The following DHRS3 variants were observed in gnomAD, a reference collection of about 807,000 sequenced individuals.
DHRS3 encodes short-chain dehydrogenase/reductase 3.
A neutral mutation model predicts 27.2 loss-of-function variants in DHRS3; 14 were observed. The observed-to-expected ratio is 0.52, with a 90% confidence interval of 0.34 to 0.81. The LOEUF is 0.81. Ranked by LOEUF, DHRS3 falls within the 30% of genes least tolerant of loss-of-function variation. DHRS3 has a pLI of 0.01. For missense variants in DHRS3, 322 were observed against 406.2 expected, an observed-to-expected ratio of 0.79 and a Z score of 1.78; for synonymous variants, 165 against 175.9, an observed-to-expected ratio of 0.94 and a Z score of 0.49.
intron 1 of DHRS3, among the ~76,000 whole-genome samples, chr1:12,589,785 A>G (rs1293853054): frequency 1.3e-5 from 2 of 152,132 alleles, no homozygotes; most frequent in African/African-American, 4.8e-5. Context: ...GGAGTTCAAG[A>G]TCAGCCTGGG....
At chr1:12,590,922 C>A (rs1450761132) in intron 1 of DHRS3, among the ~76,000 whole-genome samples, 1 of 152,242 alleles carries the variant, frequency 6.6e-6, no homozygotes, top group Non-Finnish European at 1.5e-5. Flanking sequence ...ATCCCTTCCA[C>A]CTTTTTTTCT....
At chr1:12,587,273 G>C (rs1646704914) in intron 1 of DHRS3, among the ~76,000 whole-genome samples, 1 of 151,162 alleles carries the variant, frequency 6.6e-6, no homozygotes, top group Non-Finnish European at 1.5e-5. Context: ...CTCCCAAGTA[G>C]CTGGGACCAG....
At chr1:12,581,565 G>A (rs1646644507) in intron 1 of DHRS3, among the ~76,000 whole-genome samples, 1 of 152,224 alleles carries the variant, frequency 6.6e-6, no homozygotes, top group Non-Finnish European at 1.5e-5. Flanking sequence ...CATTACGCCA[G>A]AAGGTGACCT....
Position 12,617,511 on chromosome 1 carries a change from T to TTA in DHRS3, c.-164_-163insTA. On this transcript the variant is annotated 5_prime_UTR_variant, in exon 1 of 6. Transcript: ENST00000616661. Reference sequence around the variant, plus strand: ...CTCTTCCCAAATGCAAAGCACCGGGTGAGAAAAAGAAAAAAAAAAAAAAAA... The same window carrying TTA: ...CTCTTCCCAAATGCAAAGCACCGGGTTAGAGAAAAAGAAAAAAAAAAAAAAAA... 1 of 284,268 alleles carries TTA rather than the reference T, an allele frequency of 3.5e-6. No individual in the cohort carries two copies. The highest frequency in any genetic ancestry group is 5.7e-6 in the Non-Finnish European group (1 of 176,328). The allele number at this position is 284,268 out of a possible 1,614,324, so 17.6% of individuals were successfully genotyped here.
In DHRS3 at chr1:12,586,844, T is replaced by G. The variant is rs1291609371; in HGVS notation, c.196-6178A>C. Among the ~76,000 whole-genome samples, 1 of 152,054 alleles carries G rather than the reference T, an allele frequency of 6.6e-6. No individual in the cohort carries two copies. The highest frequency in any genetic ancestry group is 1.5e-5 in the Non-Finnish European group (1 of 68,006). On this transcript the variant is annotated intron_variant, in intron 1 of 5. Coordinates refer to ENST00000616661, the MANE Select transcript of DHRS3 (RefSeq NM_004753.7). The surrounding 1 kb of genome is among the most constrained non-coding windows in gnomAD (Gnocchi z 5.0). The stretch of plus-strand genomic sequence containing the variant: ...GTCCTGTAAGAGAAAGCACATCTCC[T>G]CTCTTCAAGGGGTCCTGTGGGGATT...
chr1:12,581,968 C>A (rs769898680), intron 1 of DHRS3, among the ~76,000 whole-genome samples: 2 of 152,146 alleles, frequency 1.3e-5, no homozygotes, highest in East Asian at 3.8e-4. Context: ...GAAACCCCAA[C>A]GCGTGAAACC....
chr1:12,586,214 G>C lies in DHRS3; in HGVS notation c.196-5548C>G, dbSNP rs746098643. ...TCTGCGCTGAAGGCTGTCATTATCC[G>C]TGGTCACAGTGGAGAAAACCGTAGC... On this transcript the variant is annotated intron_variant, in intron 1 of 5. Coordinates refer to ENST00000616661, the MANE Select transcript of DHRS3 (RefSeq NM_004753.7). This position sits in a 1 kb window ranked among gnomAD's most constrained non-coding sequence, Gnocchi z 5.0. Among the ~76,000 whole-genome samples, 1 of 152,196 alleles carries C rather than the reference G, an allele frequency of 6.6e-6. No homozygotes were observed. Among genetic ancestry groups the C allele is most frequent in the Non-Finnish European group, 1.5e-5 (1 of 68,030 alleles).
At chr1:12,612,060 A>T (rs1237364955) in intron 1 of DHRS3, among the ~76,000 whole-genome samples, 4 of 152,020 alleles carry the variant, frequency 2.6e-5, no homozygotes, top group Admixed American at 2.0e-4. Flanking sequence ...GGCCTGGGGG[A>T]GTAAGAAGGA....
chr1:12,581,682 C>T (rs1229744075), intron 1 of DHRS3, among the ~76,000 whole-genome samples: 2 of 152,174 alleles, frequency 1.3e-5, no homozygotes, highest in Non-Finnish European at 2.9e-5. Context: ...GAGGACGACG[C>T]ACCTCCCCAC....
chr1:12,571,410 T>G (rs971916099), intron 5 of DHRS3, among the ~76,000 whole-genome samples: 1 of 152,088 alleles, frequency 6.6e-6, no homozygotes, highest in Admixed American at 6.6e-5. Flanking sequence ...TTCCCTCTAA[T>G]AGTAAACTTC....
Position 12,594,795 on chromosome 1 carries a change from GA to G in DHRS3, c.196-14130del, listed in dbSNP as rs1347498972. On this transcript the variant is annotated intron_variant, in intron 1 of 5. Transcript: ENST00000616661. This position sits in a 1 kb window ranked among gnomAD's most constrained non-coding sequence, Gnocchi z 4.1. ...TCTTTTCTGAGATGGGGTAGATTGGGAGGTTGTAAGGAGAAAAAAGACAGCC... is the reference window on the plus strand; with the variant it reads ...TCTTTTCTGAGATGGGGTAGATTGGGGGTTGTAAGGAGAAAAAAGACAGCC... 6.6e-6 allele frequency among the ~76,000 whole-genome samples: 1 copy of G among 152,116 alleles called. No homozygotes were observed. Among genetic ancestry groups the G allele is most frequent in the Non-Finnish European group, 1.5e-5 (1 of 68,030 alleles).
In DHRS3 at chr1:12,592,161, A is replaced by G. The variant is rs1298282687; in HGVS notation, c.196-11495T>C. 6.6e-6 allele frequency among the ~76,000 whole-genome samples: 1 copy of G among 152,170 alleles called. No individual in the cohort carries two copies. Among genetic ancestry groups the G allele is most frequent in the African/African-American group, 2.4e-5 (1 of 41,430 alleles). On this transcript the variant is annotated intron_variant, in intron 1 of 5. Coordinates refer to ENST00000616661, the MANE Select transcript of DHRS3 (RefSeq NM_004753.7). The surrounding 1 kb of genome is among the most constrained non-coding windows in gnomAD (Gnocchi z 4.2). ...AGCACTCACCGCCACCACAGTGAAC[A>G]ATCTGTGGACCTTTACTGCAGGCTG...
rs932457981 is a variant in DHRS3 at position 12,616,492 on chromosome 1, G to C, written c.195+662C>G. 6 of 911,118 alleles carry C rather than the reference G, an allele frequency of 6.6e-6. No homozygotes were observed. The African/African-American group carries it at 1.1e-4, about 16-fold the overall frequency. 56.4% of individuals were successfully genotyped at this position (911,118 alleles called of 1,614,324 possible). A position where few individuals can be genotyped will look rare whatever the true frequency, so the allele number is the denominator to read the frequency against. ...AGCTAAATGGGGAGGGATCCCTGGG[G>C]GGTGTACTGGGGGGGAGGGGACAGG... On this transcript the variant is annotated intron_variant, in intron 1 of 5. Coordinates refer to ENST00000616661, the MANE Select transcript of DHRS3 (RefSeq NM_004753.7).
chr1:12,572,455 C>T (rs1455175408), intron 5 of DHRS3, among the ~76,000 whole-genome samples: 1 of 152,240 alleles, frequency 6.6e-6, no homozygotes, highest in African/African-American at 2.4e-5. Context: ...CAGGCGTGAG[C>T]CACTGCGCCT....
At chr1:12,601,028 T>C (rs1570393415) in intron 1 of DHRS3, among the ~76,000 whole-genome samples, 1 of 152,068 alleles carries the variant, frequency 6.6e-6, no homozygotes, top group East Asian at 1.9e-4. Flanking sequence ...AATGACCTGA[T>C]AAGGTCTGCA....
chr1:12,595,529 T>G (rs1402098389), intron 1 of DHRS3, among the ~76,000 whole-genome samples: 5 of 1,238 alleles, frequency 4.0e-3, no homozygotes, highest in Non-Finnish European at 4.7e-3. Flanking sequence ...GGGAGATAGA[T>G]GGGGAGGGGG....
chr1:12,572,163 T>C (rs1250711234), intron 5 of DHRS3, among the ~76,000 whole-genome samples: 1 of 152,332 alleles, frequency 6.6e-6, no homozygotes, highest in East Asian at 1.9e-4. Context: ...TACAACATTT[T>C]TCTGGCTTTT....
chr1:12,616,922 G>T, intron 1 of DHRS3: 1 of 864,132 alleles, frequency 1.2e-6, no homozygotes, highest in Non-Finnish European at 1.7e-6. Context: ...TAGCCAGTCA[G>T]CCAGCCACCG....
At chr1:12,589,552 C>G (rs1646728183) in intron 1 of DHRS3, among the ~76,000 whole-genome samples, 1 of 152,024 alleles carries the variant, frequency 6.6e-6, no homozygotes, top group African/African-American at 2.4e-5. Context: ...CCACACCCAG[C>G]TAATTTTTGT....
Sources: allele counts gnomAD v4.1 joint callset (sites outside exome capture counted in the v4.1 genomes callset), GRCh38; gene constraint gnomAD v4.1.1; non-coding constraint Gnocchi (gnomAD v3.1); transcripts MANE v1.5; gene names NCBI Gene and HGNC (gene_info 2026-07-23, HGNC 2026-07-21).